Variants in PCDH15 observed in about 807,000 individuals in gnomAD.
PCDH15 encodes protocadherin-15.
In PCDH15, 129 loss-of-function variants were observed where a neutral mutation model predicts 178.5. The observed-to-expected ratio is 0.72, with a 90% CI of 0.63 to 0.84. The LOEUF (loss-of-function observed/expected upper bound fraction) is 0.84. Ranked by LOEUF, PCDH15 falls within the 40% of genes least tolerant of loss-of-function variation. The pLI, the probability that PCDH15 is intolerant of heterozygous loss-of-function variation, is 0.00. For missense variants in PCDH15, 2,230 were observed against 2,099.9 expected (o/e 1.06, Z -1.21); for synonymous variants, 800 against 732.0 (o/e 1.09, Z -1.50).
At chr10:54,282,216 G>A (rs945218786) in intron 8 of PCDH15, among the ~76,000 whole-genome samples, 3 of 152,040 alleles carry the variant, frequency 2.0e-5, no homozygotes, top group Non-Finnish European at 2.9e-5. Flanking sequence ...TTCACCCCAG[G>A]TCTACCGAAT....
chr10:54,843,664 G>T (rs1953456575), intron 3 of PCDH15, among the ~76,000 whole-genome samples: 2 of 151,948 alleles, frequency 1.3e-5, no homozygotes, highest in Admixed American at 1.3e-4. Context: ...ATTTCATTAA[G>T]ATGATTTCAT....
At chr10:55,584,658 CA>C (rs59983365) in intron 2 of PCDH15, among the ~76,000 whole-genome samples, 24,507 of 73,062 alleles carry the variant, frequency 0.34, 1,266 homozygotes, top group African/African-American at 0.42. Flanking sequence ...ACTCTGTCTC[CA>C]AAAAAAAAAA....
At chr10:54,494,915 C>A (rs1486816151) in intron 3 of PCDH15, among the ~76,000 whole-genome samples, 1 of 152,022 alleles carries the variant, frequency 6.6e-6, no homozygotes, top group Non-Finnish European at 1.5e-5. Context: ...CTTTATGCAG[C>A]CCTACAGTTG....
chr10:54,652,120 G>T (rs1341281868), intron 2 of PCDH15, among the ~76,000 whole-genome samples: 2 of 152,092 alleles, frequency 1.3e-5, no homozygotes, highest in African/African-American at 4.8e-5. Flanking sequence ...CCCTTGTACT[G>T]CCCCATTTAT....
intron 2 of PCDH15, among the ~76,000 whole-genome samples, chr10:55,410,387 TAAGAGATACCACATAATC>T (rs1838301812): frequency 1.3e-5 from 2 of 152,124 alleles, no homozygotes; most frequent in South Asian, 4.1e-4. Context: ...AGCTGGAAGT[TAAGAGATACCACATAATC>T]TGATATCATA....
At chr10:55,455,557 A>G (rs1839531878) in intron 2 of PCDH15, among the ~76,000 whole-genome samples, 1 of 152,116 alleles carries the variant, frequency 6.6e-6, no homozygotes, top group South Asian at 2.1e-4. Context: ...ATACAACTTT[A>G]GACATTTCAA....
chr10:54,634,229 A>G, intron 2 of PCDH15, among the ~76,000 whole-genome samples: 1 of 148,752 alleles, frequency 6.7e-6, no homozygotes, highest in East Asian at 1.9e-4. Context: ...CTTGATTCTT[A>G]CCAAAAACAA....
chr10:54,902,883 C>A (rs1954661067), intron 2 of PCDH15, among the ~76,000 whole-genome samples: 1 of 152,012 alleles, frequency 6.6e-6, no homozygotes, highest in Non-Finnish European at 1.5e-5. Context: ...CAGTTTTGTG[C>A]TGCAATTTCA....
At chr10:54,573,757 C>A (rs557842262) in intron 2 of PCDH15, among the ~76,000 whole-genome samples, 1 of 152,226 alleles carries the variant, frequency 6.6e-6, no homozygotes, top group South Asian at 2.1e-4. Flanking sequence ...CCTACCCTCT[C>A]TGTGTTTAAA....
intron 1 of PCDH15, among the ~76,000 whole-genome samples, chr10:54,676,494 T>C (rs2094792789): frequency 6.6e-6 from 1 of 152,032 alleles, no homozygotes; most frequent in South Asian, 2.1e-4. Flanking sequence ...ACTAAATTAA[T>C]AGAAAGTGAC....
chr10:55,398,965 ATGT>A (rs1368323290), intron 2 of PCDH15, among the ~76,000 whole-genome samples: 2 of 152,210 alleles, frequency 1.3e-5, no homozygotes, highest in African/African-American at 4.8e-5. Context: ...GAATGAAAAA[ATGT>A]TGTGTAGAAT....
intron 2 of PCDH15, among the ~76,000 whole-genome samples, chr10:55,610,742 G>T (rs1170319144): frequency 1.3e-5 from 2 of 152,116 alleles, no homozygotes; most frequent in East Asian, 3.9e-4. Flanking sequence ...TACCCCCAGA[G>T]TCAAACTTGC....
intron 2 of PCDH15, among the ~76,000 whole-genome samples, chr10:55,465,863 G>T (rs954583583): frequency 6.6e-6 from 1 of 152,092 alleles, no homozygotes; most frequent in African/African-American, 2.4e-5. Context: ...CTATTCAATG[G>T]TATTTCATAT....
intron 15 of PCDH15, among the ~76,000 whole-genome samples, chr10:54,102,967 T>C (rs1226618335): frequency 6.6e-6 from 1 of 152,170 alleles, no homozygotes; most frequent in Non-Finnish European, 1.5e-5. Context: ...TAATTTCCCT[T>C]TCCCCAGTGC....
At chr10:55,511,349 T>C (rs1259448930) in intron 2 of PCDH15, among the ~76,000 whole-genome samples, 1 of 152,046 alleles carries the variant, frequency 6.6e-6, no homozygotes, top group Non-Finnish European at 1.5e-5. Context: ...TGCAAGGTAA[T>C]GTAAGACATA....
chr10:54,868,123 G>A (rs1268439518), intron 3 of PCDH15, among the ~76,000 whole-genome samples: 1 of 151,968 alleles, frequency 6.6e-6, no homozygotes, highest in Admixed American at 6.6e-5. Flanking sequence ...TAAAGCTGAG[G>A]GGGAAACGGT....
At chr10:53,954,910 A>G (rs753290490) in intron 23 of PCDH15, among the ~76,000 whole-genome samples, 5 of 152,228 alleles carry the variant, frequency 3.3e-5, no homozygotes, top group Non-Finnish European at 7.3e-5. Context: ...ATTCTAACTA[A>G]TCAGTCATTT....
intron 16 of PCDH15, among the ~76,000 whole-genome samples, chr10:54,089,410 C>T (rs2094564420): frequency 6.6e-6 from 1 of 152,224 alleles, no homozygotes; most frequent in Non-Finnish European, 1.5e-5. Context: ...CATACAGTCT[C>T]TCTGAAGCCC....
chr10:55,264,977 A>G (rs957198153), intron 1 of PCDH15, among the ~76,000 whole-genome samples: 5 of 152,162 alleles, frequency 3.3e-5, no homozygotes, highest in Non-Finnish European at 7.3e-5. Flanking sequence ...GGAAGGCTGC[A>G]AGGGGCAAGC....
Sources: gnomAD v4.1 joint callset for allele counts (sites outside exome capture counted in the v4.1 genomes callset) on GRCh38, gnomAD v4.1.1 for gene constraint, MANE v1.5 for transcripts, NCBI Gene and HGNC (gene_info 2026-07-23, HGNC 2026-07-21) for gene names.